ZC3H12B: variants seen among roughly 807,000 people sequenced by gnomAD.
The protein encoded by ZC3H12B is zinc finger CCCH-type containing 12B, also known as probable ribonuclease ZC3H12B.
In ZC3H12B, 7 loss-of-function variants were observed where a neutral mutation model predicts 43.9. The ratio of observed to expected loss-of-function variants is 0.16; its 90% CI spans 0.09 to 0.30. ZC3H12B has a LOEUF of 0.30. Among genes scored for constraint, ZC3H12B ranks in the 10% least tolerant of loss-of-function variants. The pLI is 1.00. For synonymous variants in ZC3H12B, 222 were observed against 241.7 expected, an observed-to-expected ratio of 0.92 and a Z score of 0.76; for missense variants, 475 against 670.2, an observed-to-expected ratio of 0.71 and a Z score of 3.22.
intron 3 of ZC3H12B, among the ~76,000 whole-genome samples, chrX:65,436,847 T>C (rs1470593702): frequency 8.9e-6 from 1 of 111,753 alleles, no homozygotes; most frequent in Non-Finnish European, 1.9e-5. Flanking sequence ...AACATTCCAA[T>C]TATACTCTTT....
chrX:65,336,717 C>T, the ZC3H12B span, among the ~76,000 whole-genome samples: 154 of 111,757 alleles, frequency 1.4e-3, 1 homozygote, highest in African/African-American at 4.9e-3. Flanking sequence ...TCAGGGAGGC[C>T]AGAGAAAGGC....
the ZC3H12B span, among the ~76,000 whole-genome samples, chrX:65,207,474 G>A: frequency 3.6e-5 from 4 of 110,685 alleles, no homozygotes; most frequent in African/African-American, 6.5e-5. Context: ...TGCACTTAAA[G>A]GGCTGAAGGA....
chrX:65,117,215 G>A, the ZC3H12B span, among the ~76,000 whole-genome samples: 6 of 111,594 alleles, frequency 5.4e-5, no homozygotes, highest in East Asian at 2.8e-4. Context: ...ATCTTCTCCC[G>A]CACCTGTTGT....
chrX:65,165,182 A>C, the ZC3H12B span, among the ~76,000 whole-genome samples: 1 of 112,126 alleles, frequency 8.9e-6, no homozygotes, highest in Admixed American at 9.5e-5. Flanking sequence ...ATTTCAGTGA[A>C]TTTACTTCCT....
chrX:65,142,200 C>G, the ZC3H12B span, among the ~76,000 whole-genome samples: 2 of 112,279 alleles, frequency 1.8e-5, no homozygotes, highest in Non-Finnish European at 3.8e-5. Flanking sequence ...GCCATTCTTG[C>G]AGGAGTAAGG....
chrX:65,403,195 G>C (rs772389909), intron 3 of ZC3H12B, among the ~76,000 whole-genome samples: 5 of 112,223 alleles, frequency 4.5e-5, no homozygotes, highest in Non-Finnish European at 9.4e-5. Context: ...GCTGAAGAAT[G>C]CATCAGAGTC....
chrX:65,294,747 G>A, the ZC3H12B span, among the ~76,000 whole-genome samples: 3 of 111,249 alleles, frequency 2.7e-5, no homozygotes, highest in Admixed American at 9.6e-5. Flanking sequence ...TAGTCAAAAA[G>A]AACAAAGAGG....
At chrX:65,234,138 C>A in the ZC3H12B span, among the ~76,000 whole-genome samples, 1 of 111,555 alleles carries the variant, frequency 9.0e-6, no homozygotes, top group Admixed American at 9.5e-5. Context: ...CAACTCAAAC[C>A]ACATGAAAAA....
chrX:65,371,124 T>C (rs2066238775), intron 2 of ZC3H12B, among the ~76,000 whole-genome samples: 1 of 111,802 alleles, frequency 8.9e-6, no homozygotes, highest in South Asian at 3.7e-4. Flanking sequence ...ATTTTTAGGA[T>C]GCTATTTTAT....
the ZC3H12B span, among the ~76,000 whole-genome samples, chrX:65,340,653 TC>T: frequency 9.0e-6 from 1 of 111,397 alleles, no homozygotes; most frequent in Non-Finnish European, 1.9e-5. Flanking sequence ...CTACCTTATA[TC>T]ACAATCACAC....
At chrX:65,489,092 A>G (rs1421932963) in exon 1 of ZC3H12B, 2 of 1,211,941 alleles carry the variant, frequency 1.7e-6, no homozygotes, top group Admixed American at 4.3e-5. Flanking sequence ...GCAGCATTTT[A>G]CAGGATGGTA....
chrX:65,220,628 G>A, the ZC3H12B span, among the ~76,000 whole-genome samples: 2 of 111,876 alleles, frequency 1.8e-5, no homozygotes, highest in South Asian at 3.7e-4. Flanking sequence ...TTGATAAAAG[G>A]ACTAGTTCAG....
chrX:65,247,511 G>A, the ZC3H12B span, among the ~76,000 whole-genome samples: 3 of 112,710 alleles, frequency 2.7e-5, no homozygotes, highest in African/African-American at 9.7e-5. Context: ...TGTGATACTG[G>A]ATTAAGAATA....
intron 2 of ZC3H12B, among the ~76,000 whole-genome samples, chrX:65,382,841 C>A (rs1326804546): frequency 1.8e-5 from 2 of 111,324 alleles, no homozygotes; most frequent in Non-Finnish European, 3.8e-5. Flanking sequence ...CATGAGTGAA[C>A]TCCCATTCAC....
the ZC3H12B span, among the ~76,000 whole-genome samples, chrX:65,322,166 G>A: frequency 4.5e-5 from 5 of 111,538 alleles, no homozygotes; most frequent in Admixed American, 9.5e-5. Context: ...CACATGGTGA[G>A]AGAGCAAGCA....
chrX:65,171,972 C>T, the ZC3H12B span, among the ~76,000 whole-genome samples: 26 of 112,292 alleles, frequency 2.3e-4, no homozygotes, highest in African/African-American at 8.4e-4. Context: ...AGGGAATTCC[C>T]CGACCCCTTG....
At chrX:65,401,214 C>T (rs1251520330) in intron 3 of ZC3H12B, among the ~76,000 whole-genome samples, 2 of 111,514 alleles carry the variant, frequency 1.8e-5, no homozygotes, top group African/African-American at 6.5e-5. Context: ...AAATGCCACC[C>T]CTTCCGCACC....
chrX:65,498,958 A>G, intron 2 of ZC3H12B, 41 bp from the exon 8 acceptor site: 1 of 1,068,341 alleles, frequency 9.4e-7, no homozygotes, highest in Non-Finnish European at 1.3e-6. Context: ...TAATTTCCAA[A>G]GATGATTTCT....
chrX:65,455,569 G>T (rs1363936356), intron 3 of ZC3H12B, among the ~76,000 whole-genome samples: 1 of 112,036 alleles, frequency 8.9e-6, no homozygotes, highest in East Asian at 2.8e-4. Context: ...TATTATCCAG[G>T]AGAAATTCCC....
Sources: gnomAD v4.1 joint callset for allele counts (sites outside exome capture counted in the v4.1 genomes callset) on GRCh38, gnomAD v4.1.1 for gene constraint, MANE v1.5 for transcripts, NCBI Gene and HGNC (gene_info 2026-07-23, HGNC 2026-07-21) for gene names.